The following TECTA variants were observed in gnomAD, a reference collection of about 807,000 sequenced individuals.
TECTA encodes the protein alpha-tectorin.
Under a neutral mutation model 216.8 loss-of-function variants are expected in TECTA, and 128 were observed. That is an observed-to-expected ratio of 0.59 (90% CI 0.51 to 0.68). The LOEUF is 0.68. Ranked by LOEUF, TECTA falls within the 30% of genes least tolerant of loss-of-function variation. TECTA has a pLI of 0.00. For missense variants in TECTA, 2,551 were observed against 2,786.2 expected (o/e 0.92, Z 1.90); for synonymous variants, 1,089 against 1,117.1 (o/e 0.97, Z 0.50).
intron 12 of TECTA, among the ~76,000 whole-genome samples, chr11:121,147,720 C>T (rs748234866): frequency 6.6e-6 from 1 of 152,154 alleles, no homozygotes; most frequent in Non-Finnish European, 1.5e-5. Flanking sequence ...GAAGGGAAAG[C>T]TCTGCTGTTT....
chr11:121,169,335 C>G (rs908341165), intron 20 of TECTA, among the ~76,000 whole-genome samples: 1 of 152,122 alleles, frequency 6.6e-6, no homozygotes, highest in African/African-American at 2.4e-5. Context: ...AGAAGTTAAC[C>G]TAATAGCCTA....
rs147890616 is a variant in TECTA at position 121,137,885 on chromosome 11, G to C, written c.3406G>C (p.Asp1136His). The C allele has an allele frequency of 1.0e-4, 165 of 1,602,976 alleles. No homozygotes were observed. The highest frequency in any genetic ancestry group is 9.9e-4 in the Middle Eastern group (6 of 6,032). The change falls in exon 11 of 24, where the codon GAC becomes CAC. Residue 1136 changes from aspartate to histidine, a missense_variant. Asp to His is a moderately conservative substitution (Grantham distance 81, BLOSUM62 -1). This residue lies in a region of TECTA where 2,375 missense variants were observed against 2,563.9 expected (regional missense o/e 0.93). Transcript: ENST00000392793. The stretch of plus-strand genomic sequence containing the variant: ...CACCACAGGAAGCAGGCCAAGCTCA[G>C]ACTCTTTCCCCAAGTTTGTTGTCAC... The part of the protein sequence containing the change: ...LCTTGSRPSS[D>H]SFPKFVVTAK...
At chr11:121,116,361 T>C (rs115779812) in intron 6 of TECTA, among the ~76,000 whole-genome samples, 2,890 of 152,320 alleles carry the variant, frequency 0.019, 80 homozygotes, top group African/African-American at 0.06. Context: ...CTCTTCCCTT[T>C]GTCCAGGCAT....
intron 20 of TECTA, among the ~76,000 whole-genome samples, chr11:121,184,981 A>ACT (rs1947266832): frequency 6.6e-6 from 1 of 152,210 alleles, no homozygotes; most frequent in South Asian, 2.1e-4. Context: ...GATATGAGAC[A>ACT]CTCTACAAAT....
intron 7 of TECTA, among the ~76,000 whole-genome samples, chr11:121,119,542 T>C (rs1024625391): frequency 2.0e-5 from 3 of 152,214 alleles, no homozygotes; most frequent in Non-Finnish European, 4.4e-5. Context: ...TTTCATAATG[T>C]TAATCAAGAC....
intron 20 of TECTA, among the ~76,000 whole-genome samples, chr11:121,173,211 A>G (rs984858710): frequency 1.6e-4 from 24 of 151,324 alleles, no homozygotes; most frequent in African/African-American, 5.3e-4. Context: ...CCATTTGTCA[A>G]TTTTGGTTTT....
chr11:121,137,485 C>G lies in TECTA; in HGVS notation c.3006C>G (p.Thr1002=), dbSNP rs146203161. The G allele has an allele frequency of 3.7e-6, 6 of 1,613,890 alleles. No individual in the cohort carries two copies. The South Asian group carries it at 4.4e-5, about 12-fold the overall frequency. The change falls in exon 11 of 24, where the codon ACC becomes ACG. Residue 1002 remains threonine (T), a synonymous_variant. Coordinates refer to ENST00000392793, the MANE Select transcript of TECTA (RefSeq NM_005422.4). ...ECITCTETCE[T]LTLGPICVDS... ...TCACATGTACAGAGACCTGTGAGACCCTTACCCTGGGCCCCATCTGCGTGG... is the reference window on the plus strand; with the variant it reads ...TCACATGTACAGAGACCTGTGAGACGCTTACCCTGGGCCCCATCTGCGTGG...
chr11:121,187,733 G>A lies in TECTA; in HGVS notation c.6000-99G>A. 2.2e-6 allele frequency: 3 copies of A among 1,360,752 alleles called. No homozygotes were observed. The South Asian group carries it at 3.6e-5, about 16-fold the overall frequency. The allele number at this position is 1,360,752 out of a possible 1,614,324, so 84.3% of individuals were successfully genotyped here. ...TGTAAAGGCATTTCTGCCATTTATG[G>A]TGGTTTTATGTGAAAAGTGAAATTT... is the stretch of plus-strand genomic sequence containing the variant. On this transcript the variant is annotated intron_variant, in intron 20 of 23. Transcript: ENST00000392793.
Position 121,125,346 on chromosome 11 carries a change from G to A in TECTA, c.1248G>A (p.Gly416=), listed in dbSNP as rs1437594490. ...CTTTGCCTGTCACCTTAGACTTGGG[G>A]ACAGTGAAAATCTACCAGAGTGGCA... The part of the protein sequence containing the change: ...VTSLPVTLDL[G]TVKIYQSGIS... Residue 416 remains glycine, a synonymous_variant, in exon 8 of 24, where the codon GGG becomes GGA. Coordinates refer to ENST00000392793, the MANE Select transcript of TECTA (RefSeq NM_005422.4). 3.7e-6 allele frequency: 6 copies of A among 1,614,002 alleles called. No homozygotes were observed. The highest frequency in any genetic ancestry group is 5.1e-6 in the Non-Finnish European group (6 of 1,180,060).
At chr11:121,148,665 G>T (rs1565530310) in intron 12 of TECTA, among the ~76,000 whole-genome samples, 1 of 152,204 alleles carries the variant, frequency 6.6e-6, no homozygotes, top group Non-Finnish European at 1.5e-5. Flanking sequence ...CTTGATAGGA[G>T]AAATGGTGCT....
chr11:121,176,841 T>C (rs1468866913), intron 20 of TECTA, among the ~76,000 whole-genome samples: 1 of 152,202 alleles, frequency 6.6e-6, no homozygotes, highest in Non-Finnish European at 1.5e-5. Flanking sequence ...TCTTTTCACA[T>C]AGTCCCACAT....
At position 121,166,129 on chromosome 11, in the gene TECTA, C is replaced by T. The variant is rs149582284; in HGVS notation, c.5384-449C>T. ...GTGCCTTGCCATGTCAAAAAGCAAG[C>T]TCCTAGTGCTCACCTGGGAATCACT... On this transcript the variant is annotated intron_variant, in intron 17 of 23. Transcript: ENST00000392793. Among the ~76,000 whole-genome samples, 123 of 152,314 alleles carry T rather than the reference C, an allele frequency of 8.1e-4. 1 individual carries two copies. The highest frequency in any genetic ancestry group is 4.8e-3 in the Admixed American group (74 of 15,302).
intron 3 of TECTA, among the ~76,000 whole-genome samples, chr11:121,106,457 T>C (rs1005376576): frequency 2.0e-5 from 3 of 152,222 alleles, no homozygotes; most frequent in African/African-American, 7.2e-5. Context: ...AATATGGGTC[T>C]GTAGATAGGC....
Position 121,127,785 on chromosome 11 carries a change from ACTC to A in TECTA, c.1810_1812del (p.Ser604del). The stretch of plus-strand genomic sequence containing the variant: ...GTGCAGTGCCCGAGCTTCAGCCACT[ACTC>A]CGTGTGCACAAGCAGCTGCCCCGAC... On this transcript the variant is annotated inframe_deletion, in exon 9 of 24. Transcript: ENST00000392793. The surrounding 1 kb of genome is among the most constrained non-coding windows in gnomAD (Gnocchi z 5.0). The A allele has an allele frequency of 6.2e-7, 1 of 1,613,822 alleles. No homozygotes were observed. Among genetic ancestry groups the A allele is most frequent in the Non-Finnish European group, 8.5e-7 (1 of 1,179,974 alleles).
intron 2 of TECTA, among the ~76,000 whole-genome samples, chr11:121,103,070 T>G (rs2135046950): frequency 6.6e-6 from 1 of 152,326 alleles, no homozygotes; most frequent in Non-Finnish European, 1.5e-5. Context: ...TGATTTCCAT[T>G]AAGGCATTTA....
rs770214966 is a variant in TECTA, at chr11:121,109,261, G to A, written c.249G>A (p.Thr83=). ...VSFNVLVSQF[T]PESFPLTDGR... ...TCAATGTGCTAGTGAGCCAGTTCAC[G>A]CCAGAATCCTTTCCCCTGACAGATG... Residue 83 remains threonine (T), a synonymous_variant, in exon 4 of 24, where the codon ACG becomes ACA. Coordinates refer to ENST00000392793, the MANE Select transcript of TECTA (RefSeq NM_005422.4). 2.8e-5 allele frequency: 45 copies of A among 1,614,006 alleles called. No individual in the cohort carries two copies. Among genetic ancestry groups the A allele is most frequent in the East Asian group, 2.0e-4 (9 of 44,902 alleles).
In TECTA at chr11:121,109,184, T is replaced by C. The variant is rs751792239; in HGVS notation, c.199-27T>C. ...GAAGTTGTTATGGTTTCAGATCCAC[T>C]GTGCAAAACCTCTCTTATTTTCGTA... On this transcript the variant is annotated intron_variant, in intron 3 of 23. Coordinates refer to ENST00000392793, the MANE Select transcript of TECTA (RefSeq NM_005422.4). The C allele has an allele frequency of 8.7e-6, 14 of 1,613,624 alleles. No homozygotes were observed. In the East Asian group the frequency reaches 2.7e-4, roughly 31 times the overall value.
At chr11:121,146,747 C>T (rs1011477493) in intron 12 of TECTA, among the ~76,000 whole-genome samples, 3 of 152,146 alleles carry the variant, frequency 2.0e-5, no homozygotes, top group Admixed American at 6.5e-5. Flanking sequence ...GCCTCAGAAA[C>T]GTAAAGGGGA....
intron 12 of TECTA, chr11:121,146,405 A>C (rs1946839255): frequency 4.2e-6 from 2 of 473,312 alleles, no homozygotes; most frequent in Admixed American, 6.9e-5. Context: ...ACTTGGACGC[A>C]CAAAGTTCAC....
Sources: allele counts gnomAD v4.1 joint callset (sites outside exome capture counted in the v4.1 genomes callset), GRCh38; gene constraint gnomAD v4.1.1; regional missense constraint gnomAD v4.1.1; non-coding constraint Gnocchi (gnomAD v3.1); transcripts MANE v1.5; gene names NCBI Gene and HGNC (gene_info 2026-07-23, HGNC 2026-07-21).